The following CMTM6 variants were observed in gnomAD, a reference collection of about 807,000 sequenced individuals.
CMTM6 encodes the protein CKLF-like MARVEL transmembrane domain-containing protein 6.
Under a neutral mutation model 13.6 loss-of-function variants are expected in CMTM6, and 5 were observed. The ratio of observed to expected loss-of-function variants is 0.37; its 90% CI spans 0.19 to 0.77. The LOEUF (loss-of-function observed/expected upper bound fraction) is 0.77. Among genes scored for constraint, CMTM6 ranks in the 30% least tolerant of loss-of-function variants. The pLI is 0.50. For missense variants in CMTM6, 196 were observed against 218.6 expected, an observed-to-expected ratio of 0.90 and a Z score of 0.65; for synonymous variants, 99 against 84.5, an observed-to-expected ratio of 1.17 and a Z score of -0.94.
intron 2 of CMTM6, among the ~76,000 whole-genome samples, chr3:32,489,205 G>A (rs1211176281): frequency 6.7e-6 from 1 of 150,154 alleles, no homozygotes; most frequent in Non-Finnish European, 1.5e-5. Context: ...AGGAGGCAGA[G>A]GTTGCAGTGA....
Position 32,497,176 on chromosome 3 carries a change from G to A in CMTM6, c.139-5290C>T, listed in dbSNP as rs551601118. 9.3e-5 allele frequency among the ~76,000 whole-genome samples: 14 copies of A among 150,592 alleles called. No homozygotes were observed. The East Asian group carries it at 2.4e-3, about 26-fold the overall frequency. On this transcript the variant is annotated intron_variant, in intron 1 of 3. Transcript: ENST00000205636. ...AGGTGGGCGGATCACGAGGTCAGGA[G>A]ATCAAGACCATCCTGGCTAACATGG...
intron 1 of CMTM6, among the ~76,000 whole-genome samples, chr3:32,498,015 G>A (rs1234916173): frequency 6.6e-6 from 1 of 151,916 alleles, no homozygotes. Flanking sequence ...AAGTAAAAAG[G>A]CTCAATTATT....
rs1025698966 is a variant in CMTM6, at chr3:32,502,611, C to T, written c.135G>A (p.Gln45=). 4 of 1,596,576 alleles carry T rather than the reference C, an allele frequency of 2.5e-6. No homozygotes were observed. The highest frequency in any genetic ancestry group is 2.7e-5 in the African/African-American group (2 of 74,678). ...CCCTCCCTGACCGCGGACTCACCAG[C>T]TGCAAGCCCTTGAGAACGCGCCGGA... ...PLLRRVLKGL[Q]LLLSLLAFIC... Residue 45 remains glutamine, a synonymous_variant, in exon 1 of 4, where the codon CAG becomes CAA. Transcript: ENST00000205636.
chr3:32,484,504 A>C (rs975286769), intron 3 of CMTM6, among the ~76,000 whole-genome samples: 1 of 152,232 alleles, frequency 6.6e-6, no homozygotes, highest in Non-Finnish European at 1.5e-5. Context: ...CTAGGTGAAA[A>C]TGAAAAAAGT....
In CMTM6 at chr3:32,502,842, T is replaced by G; in HGVS notation, c.-97A>C. On this transcript the variant is annotated 5_prime_UTR_variant, in exon 1 of 4. Transcript: ENST00000205636. ...TAGCCGGGAGGCGGCCGTCACTTCC[T>G]GGGCCTTCTCCCCGGCTTCCGCCTG... The G allele has an allele frequency of 2.3e-6, 3 of 1,325,316 alleles. No homozygotes were observed. The highest frequency in any genetic ancestry group is 3.5e-5 in the South Asian group (2 of 57,638). The allele number at this position is 1,325,316 out of a possible 1,614,324, so 82.1% of individuals were successfully genotyped here.
chr3:32,490,973 C>G (rs1172300533), intron 2 of CMTM6, among the ~76,000 whole-genome samples: 1 of 152,124 alleles, frequency 6.6e-6, no homozygotes, highest in Non-Finnish European at 1.5e-5. Flanking sequence ...TGTCCAAAGA[C>G]TACAAATATA....
At chr3:32,493,006 G>A (rs1022594532) in intron 1 of CMTM6, among the ~76,000 whole-genome samples, 4 of 152,176 alleles carry the variant, frequency 2.6e-5, no homozygotes, top group Admixed American at 2.0e-4. Context: ...TTTTACAGTT[G>A]CCTTGCTCTT....
rs191243546 is a variant in CMTM6, at chr3:32,489,231, C to T, written c.316-1195G>A. ...GTTGCAGTGAGCCAAGGTCACACCACTGCATTCCAGCCTGGGCGACAGAGC... is the reference window on the plus strand; with the variant it reads ...GTTGCAGTGAGCCAAGGTCACACCATTGCATTCCAGCCTGGGCGACAGAGC... On this transcript the variant is annotated intron_variant, in intron 2 of 3. Coordinates refer to ENST00000205636, the MANE Select transcript of CMTM6 (RefSeq NM_017801.3). Among the ~76,000 whole-genome samples, 34 of 138,180 alleles carry T rather than the reference C, an allele frequency of 2.5e-4. No individual in the cohort carries two copies. The East Asian group carries it at 4.9e-3, about 20-fold the overall frequency. The allele number at this position is 138,180 out of a possible 152,430, so 90.7% of individuals were successfully genotyped here. A position where few individuals can be genotyped will look rare whatever the true frequency, so the allele number is the denominator to read the frequency against.
At position 32,502,635 on chromosome 3, in the gene CMTM6, G is replaced by C. The variant is rs765141219; in HGVS notation, c.111C>G (p.Leu37=). ...GCTGCAAGCCCTTGAGAACGCGCCG[G>C]AGCAATGGGAGCCGGCCCATGAAAA... ...AYFFMGRLPL[L]RRVLKGLQLL... The change falls in exon 1 of 4, where the codon CTC becomes CTG. Residue 37 remains leucine, a synonymous_variant. Coordinates refer to ENST00000205636, the MANE Select transcript of CMTM6 (RefSeq NM_017801.3). The C allele has an allele frequency of 3.5e-5, 56 of 1,596,410 alleles. No individual in the cohort carries two copies. Among genetic ancestry groups the C allele is most frequent in the Non-Finnish European group, 4.5e-5 (53 of 1,173,412 alleles).
chr3:32,500,748 C>G (rs1334931565), intron 1 of CMTM6, among the ~76,000 whole-genome samples: 1 of 152,010 alleles, frequency 6.6e-6, no homozygotes, highest in Non-Finnish European at 1.5e-5. Context: ...TCCAAAGATA[C>G]GAAACTACAG....
Position 32,483,993 on chromosome 3 carries a change from C to T in CMTM6, c.519G>A (p.Arg173=), listed in dbSNP as rs760506690. The change falls in exon 4 of 4, where the codon AGG becomes AGA. Residue 173 remains arginine, a synonymous_variant. Transcript: ENST00000205636. ...SQLRKPENTT[R]AEALTEPLNA ...TAAGTGGCTCAGTGAGGGCTTCAGC[C>T]CTAGTGGTATTTTCAGGTTTTCTCA... 5 of 1,611,326 alleles carry T rather than the reference C, an allele frequency of 3.1e-6. No homozygotes were observed. The highest frequency in any genetic ancestry group is 4.5e-5 in the East Asian group (2 of 44,672).
At chr3:32,499,796 C>G (rs567144813) in intron 1 of CMTM6, among the ~76,000 whole-genome samples, 10 of 151,028 alleles carry the variant, frequency 6.6e-5, no homozygotes, top group African/African-American at 2.5e-4. Flanking sequence ...AGAGAAGTTA[C>G]GTTCTTTTAT....
Position 32,481,664 on chromosome 3 carries a change from T to C in CMTM6, c.*2296A>G, listed in dbSNP as rs1007900751. ...TGGTCCCAAGTTCCCCTTGAACTTA[T>C]TTACTACAATGGTCTTTTTACTCCT... is the stretch of plus-strand genomic sequence containing the variant. On this transcript the variant is annotated 3_prime_UTR_variant, in exon 4 of 4. Coordinates refer to ENST00000205636, the MANE Select transcript of CMTM6 (RefSeq NM_017801.3). 1.3e-5 allele frequency: 2 copies of C among 152,200 alleles called. No individual in the cohort carries two copies. The highest frequency in any genetic ancestry group is 2.9e-5 in the Non-Finnish European group (2 of 68,034). 9.4% of individuals were successfully genotyped at this position (152,200 alleles called of 1,614,324 possible).
intron 1 of CMTM6, among the ~76,000 whole-genome samples, chr3:32,494,348 C>T (rs1697272039): frequency 6.6e-6 from 1 of 152,174 alleles, no homozygotes; most frequent in Non-Finnish European, 1.5e-5. Flanking sequence ...AGCAACCAGA[C>T]AGGTTAATGG....
intron 1 of CMTM6, among the ~76,000 whole-genome samples, chr3:32,495,646 C>G (rs1481056460): frequency 6.6e-6 from 1 of 152,170 alleles, no homozygotes; most frequent in Non-Finnish European, 1.5e-5. Flanking sequence ...ATTAGGCACA[C>G]TCATGTGTGA....
intron 3 of CMTM6, among the ~76,000 whole-genome samples, chr3:32,485,980 C>T (rs1015288601): frequency 6.6e-6 from 1 of 152,194 alleles, no homozygotes; most frequent in Non-Finnish European, 1.5e-5. Flanking sequence ...TCGGTTCAAG[C>T]GATTTTCCTG....
intron 3 of CMTM6, among the ~76,000 whole-genome samples, chr3:32,487,131 G>A (rs536007603): frequency 4.3e-4 from 66 of 152,236 alleles, no homozygotes; most frequent in African/African-American, 1.5e-3. Context: ...GGTAGGTGGC[G>A]ACTGTGAATG....
At chr3:32,486,057 T>C (rs895259151) in intron 3 of CMTM6, among the ~76,000 whole-genome samples, 3 of 152,216 alleles carry the variant, frequency 2.0e-5, no homozygotes, top group South Asian at 2.1e-4. Flanking sequence ...TTTGTATTTT[T>C]AGTAGAGACA....
At chr3:32,499,414 C>T (rs1697325974) in intron 1 of CMTM6, among the ~76,000 whole-genome samples, 1 of 152,152 alleles carries the variant, frequency 6.6e-6, no homozygotes, top group South Asian at 2.1e-4. Flanking sequence ...TACTGTGCAG[C>T]TATCAGGATA....
Sources: gnomAD v4.1 joint callset for allele counts (sites outside exome capture counted in the v4.1 genomes callset) on GRCh38, gnomAD v4.1.1 for gene constraint, MANE v1.5 for transcripts, NCBI Gene and HGNC (gene_info 2026-07-23, HGNC 2026-07-21) for gene names.